The following EVI5 variants were observed in gnomAD, a reference collection of about 807,000 sequenced individuals.
EVI5 encodes the protein ecotropic viral integration site 5 protein homolog.
Under a neutral mutation model 112.0 loss-of-function variants are expected in EVI5, and 73 were observed. The observed-to-expected ratio is 0.65, with a 90% CI of 0.54 to 0.79. The LOEUF is 0.79. Among genes scored for constraint, EVI5 ranks in the 30% least tolerant of loss-of-function variants. EVI5 has a pLI of 0.00. For missense variants in EVI5, 900 were observed against 968.8 expected, an observed-to-expected ratio of 0.93 and a Z score of 0.94; for synonymous variants, 305 against 319.9, an observed-to-expected ratio of 0.95 and a Z score of 0.50.
intron 1 of EVI5, among the ~76,000 whole-genome samples, chr1:92,749,569 A>G (rs1270087234): frequency 1.3e-5 from 2 of 152,008 alleles, no homozygotes; most frequent in African/African-American, 2.4e-5. Flanking sequence ...TCTCTGTGGA[A>G]TAAAGGGTAA....
intron 1 of EVI5, chr1:92,784,554 G>C (rs199936520): frequency 1.2e-3 from 6 of 4,980 alleles, no homozygotes; most frequent in Non-Finnish European, 1.6e-3. Context: ...AAGCTGCTCC[G>C]TCCCTCCACC....
intron 12 of EVI5, among the ~76,000 whole-genome samples, 154 bp from the exon 13 acceptor site, chr1:92,663,019 T>C (rs1322747101): frequency 6.6e-6 from 1 of 150,906 alleles, no homozygotes; most frequent in African/African-American, 2.4e-5. Flanking sequence ...AGCTAGCAGC[T>C]TGTTATTGCT....
At position 92,666,398 on chromosome 1, in the gene EVI5, C is replaced by T. The variant is rs538066209; in HGVS notation, c.1159-406G>A. ...ACACATGCATGCATGCACACACATA[C>T]ACACACAGAATGGTGGTGCGAATCT... On this transcript the variant is annotated intron_variant, in intron 10 of 19. Transcript: ENST00000684568. Among the ~76,000 whole-genome samples the T allele has an allele frequency of 6.6e-5, 10 of 150,406 alleles. No homozygotes were observed. The East Asian group carries it at 1.8e-3, about 26-fold the overall frequency.
At chr1:92,629,215 A>T (rs939456832) in intron 14 of EVI5, among the ~76,000 whole-genome samples, 10 of 152,236 alleles carry the variant, frequency 6.6e-5, no homozygotes, top group African/African-American at 2.4e-4. Context: ...CATTATCCAG[A>T]AATATAAAAA....
chr1:92,637,881 A>G (rs936065150), intron 13 of EVI5, among the ~76,000 whole-genome samples: 1 of 152,196 alleles, frequency 6.6e-6, no homozygotes, highest in African/African-American at 2.4e-5. Flanking sequence ...ATTATACATT[A>G]TTTCTTCTAG....
intron 19 of EVI5, among the ~76,000 whole-genome samples, chr1:92,526,698 G>T: frequency 6.6e-6 from 1 of 152,086 alleles, no homozygotes; most frequent in Admixed American, 6.5e-5. Flanking sequence ...TCAGGAAGGA[G>T]AAGAGGGATG....
At chr1:92,585,092 C>T (rs1185997716) in intron 18 of EVI5, among the ~76,000 whole-genome samples, 1 of 151,838 alleles carries the variant, frequency 6.6e-6, no homozygotes, top group African/African-American at 2.4e-5. Context: ...GGTGTGGTAG[C>T]AGTCACCTGT....
chr1:92,705,260 G>A (rs1474060044), intron 2 of EVI5, among the ~76,000 whole-genome samples: 4 of 152,162 alleles, frequency 2.6e-5, no homozygotes, highest in African/African-American at 7.2e-5. Context: ...TTTGGCCTAT[G>A]CAGTGTTTGT....
In EVI5 at chr1:92,665,931, T is replaced by C; in HGVS notation, c.1212+8A>G. On this transcript the variant is annotated splice_region_variant and intron_variant, in intron 11 of 19. Coordinates refer to ENST00000684568, the MANE Select transcript of EVI5 (RefSeq NM_001350197.2). Reference sequence around the variant, plus strand: ...AACAGAAGCTTGCATAAGTAGTCACTTACTTACTTTTTCTAATGTCTCGAT... The same window carrying C: ...AACAGAAGCTTGCATAAGTAGTCACCTACTTACTTTTTCTAATGTCTCGAT... 6.3e-7 allele frequency: 1 copy of C among 1,582,700 alleles called. No individual in the cohort carries two copies.
intron 18 of EVI5, among the ~76,000 whole-genome samples, chr1:92,592,375 G>A (rs1186381954): frequency 6.6e-6 from 1 of 152,208 alleles, no homozygotes; most frequent in Non-Finnish European, 1.5e-5. Flanking sequence ...AAACCAATGA[G>A]AACAAAGATA....
intron 9 of EVI5, among the ~76,000 whole-genome samples, chr1:92,678,192 C>T (rs995580632): frequency 2.6e-5 from 4 of 151,890 alleles, no homozygotes; most frequent in African/African-American, 9.7e-5. Context: ...GCATGTACCC[C>T]CTGAATTTAA....
intron 18 of EVI5, among the ~76,000 whole-genome samples, chr1:92,595,883 G>A (rs529839059): frequency 6.6e-6 from 1 of 152,308 alleles, no homozygotes; most frequent in African/African-American, 2.4e-5. Context: ...TTCACAGGAA[G>A]CTGTCAATAT....
At chr1:92,756,013 T>C (rs1680902650) in intron 1 of EVI5, 1 of 216,434 alleles carries the variant, frequency 4.6e-6, no homozygotes, top group Non-Finnish European at 1.0e-5. Context: ...ACTAGAACTA[T>C]TTATGGATTG....
chr1:92,697,997 G>T lies in EVI5; in HGVS notation c.640-12C>A. The T allele has an allele frequency of 1.3e-6, 2 of 1,558,186 alleles. No individual in the cohort carries two copies. On this transcript the variant is annotated splice_polypyrimidine_tract_variant and intron_variant, in intron 5 of 19. Coordinates refer to ENST00000684568, the MANE Select transcript of EVI5 (RefSeq NM_001350197.2). ...TCTTCTTCTGGCATCTACATTGGAA[G>T]AAAAAAAAACAACATAGGTTAATGT...
At chr1:92,735,781 T>A (rs1385858178) in intron 2 of EVI5, among the ~76,000 whole-genome samples, 1 of 144,072 alleles carries the variant, frequency 6.9e-6, no homozygotes, top group Non-Finnish European at 1.5e-5. Context: ...ATATATAACA[T>A]ATTATAAAGT....
At chr1:92,693,990 G>A in intron 8 of EVI5, 91 bp from the exon 9 acceptor site, 1 of 819,450 alleles carries the variant, frequency 1.2e-6, no homozygotes, top group Non-Finnish European at 2.0e-6. Flanking sequence ...GGCTGGGCGT[G>A]GTGGCTCATG....
intron 14 of EVI5, among the ~76,000 whole-genome samples, chr1:92,632,509 G>A (rs1236648274): frequency 6.6e-6 from 1 of 152,022 alleles, no homozygotes; most frequent in Non-Finnish European, 1.5e-5. Flanking sequence ...TATTTCTGTG[G>A]GATAGTTGGT....
intron 2 of EVI5, among the ~76,000 whole-genome samples, chr1:92,713,226 G>A (rs1259738245): frequency 6.6e-6 from 1 of 151,520 alleles, no homozygotes; most frequent in African/African-American, 2.4e-5. Context: ...TACTCTTACA[G>A]CATATCACAA....
intron 18 of EVI5, among the ~76,000 whole-genome samples, chr1:92,573,965 T>C (rs765942657): frequency 4.7e-4 from 72 of 152,100 alleles, no homozygotes; most frequent in Non-Finnish European, 1.0e-3. Flanking sequence ...GTTGTATCTG[T>C]AAAGAGACCA....
Sources: gnomAD v4.1 joint callset for allele counts (sites outside exome capture counted in the v4.1 genomes callset) on GRCh38, gnomAD v4.1.1 for gene constraint, MANE v1.5 for transcripts, NCBI Gene and HGNC (gene_info 2026-07-23, HGNC 2026-07-21) for gene names.